The following EXOC5 variants were observed in gnomAD, a reference collection of about 807,000 sequenced individuals.
The protein encoded by EXOC5 is exocyst complex component 5, also known as SEC10-like 1.
A neutral mutation model predicts 90.8 loss-of-function variants in EXOC5; 17 were observed. The observed-to-expected ratio is 0.19, with a 90% CI of 0.13 to 0.28. The LOEUF is 0.28. Among genes scored for constraint, EXOC5 ranks in the 10% least tolerant of loss-of-function variants. EXOC5 has a pLI of 1.00. For missense variants in EXOC5, 569 were observed against 830.6 expected (o/e 0.69, Z 3.87); for synonymous variants, 260 against 270.0 (o/e 0.96, Z 0.36).
At chr14:57,222,762 C>CATATATAT (rs149486431) in intron 12 of EXOC5, among the ~76,000 whole-genome samples, 5 of 135,242 alleles carry the variant, frequency 3.7e-5, no homozygotes, top group African/African-American at 1.7e-4. Flanking sequence ...CACACACACA[C>CATATATAT]ATATATATAT....
Position 57,231,501 on chromosome 14 carries a change from C to A in EXOC5, c.1148+5G>T. 1 of 1,591,772 alleles carries A rather than the reference C, an allele frequency of 6.3e-7. No homozygotes were observed. The highest frequency in any genetic ancestry group is 8.5e-7 in the Non-Finnish European group (1 of 1,170,420). ...TTAACAGAAGTATTTAACAAAAATACTCACCCTCCTGTGCCAATGGATCTC... is the reference window on the plus strand; with the variant it reads ...TTAACAGAAGTATTTAACAAAAATAATCACCCTCCTGTGCCAATGGATCTC... On this transcript the variant is annotated splice_donor_5th_base_variant and intron_variant, in intron 11 of 17. Transcript: ENST00000621441.
intron 15 of EXOC5, 95 bp from the exon 16 acceptor site, chr14:57,210,156 TA>T: frequency 1.7e-6 from 1 of 604,930 alleles, no homozygotes; most frequent in Non-Finnish European, 2.9e-6. Flanking sequence ...ATCAGTTATT[TA>T]ATTTCCTATC....
intron 14 of EXOC5, 108 bp from the exon 15 acceptor site, chr14:57,218,176 C>T (rs951951088): frequency 1.8e-6 from 1 of 544,926 alleles, no homozygotes; most frequent in African/African-American, 2.0e-5. Context: ...TAAATATATC[C>T]ATATATACAC....
At chr14:57,210,105 C>T in intron 15 of EXOC5, 44 bp from the exon 16 acceptor site, 1 of 843,328 alleles carries the variant, frequency 1.2e-6, no homozygotes, top group East Asian at 2.6e-5. Flanking sequence ...ATCTAACTTA[C>T]TCTATGTTTA....
chr14:57,232,582 C>A, intron 10 of EXOC5, 85 bp downstream of exon 10: 1 of 595,600 alleles, frequency 1.7e-6, no homozygotes, highest in South Asian at 2.7e-5. Flanking sequence ...CAAACTTATT[C>A]AAAAATACCT....
chr14:57,233,678 A>G, intron 9 of EXOC5, 65 bp downstream of exon 9: 1 of 1,024,998 alleles, frequency 9.8e-7, no homozygotes, highest in Non-Finnish European at 1.4e-6. Context: ...AAATACTTTT[A>G]AAATATAGGG....
At chr14:57,248,903 A>G (rs924320340) in intron 1 of EXOC5, among the ~76,000 whole-genome samples, 1 of 152,122 alleles carries the variant, frequency 6.6e-6, no homozygotes, top group Non-Finnish European at 1.5e-5. Flanking sequence ...AGTCTGCCTC[A>G]CTTCTGTCGA....
chr14:57,215,234 A>G (rs982394693), intron 15 of EXOC5, among the ~76,000 whole-genome samples: 9 of 151,942 alleles, frequency 5.9e-5, no homozygotes, highest in African/African-American at 1.9e-4. Context: ...TCCGTCTCAA[A>G]AAAAAAAAAG....
At chr14:57,229,138 ATCT>A (rs1883401242) in intron 12 of EXOC5, among the ~76,000 whole-genome samples, 1 of 152,182 alleles carries the variant, frequency 6.6e-6, no homozygotes. Flanking sequence ...TCCCTTTCAC[ATCT>A]TCATTTAATC....
intron 1 of EXOC5, among the ~76,000 whole-genome samples, chr14:57,267,664 G>A (rs932140618): frequency 1.3e-5 from 2 of 151,898 alleles, no homozygotes; most frequent in Admixed American, 1.3e-4. Flanking sequence ...TGCTTTATAC[G>A]TGTCATTGTT....
In EXOC5 at chr14:57,209,607, C is replaced by T. The variant is rs751437199; in HGVS notation, c.1898G>A (p.Cys633Tyr). ...YSCMGGMLAICDVAEYRKCAK... is the reference protein window; with the variant it reads ...YSCMGGMLAIYDVAEYRKCAK... Reference sequence around the variant, plus strand: ...ACACTTCCTATATTCGGCTACATCACAAATGGCCAACATGCCACCCATACA... The same window carrying T: ...ACACTTCCTATATTCGGCTACATCATAAATGGCCAACATGCCACCCATACA... The change falls in exon 17 of 18, where the codon TGT (cysteine) becomes TAT (tyrosine). Residue 633 changes from cysteine (C) to tyrosine (Y), a missense_variant. By Grantham distance (194) the Cys-to-Tyr change is radical. Coordinates refer to ENST00000621441, the MANE Select transcript of EXOC5 (RefSeq NM_006544.4). 4.3e-6 allele frequency: 7 copies of T among 1,613,252 alleles called. No individual in the cohort carries two copies. Among genetic ancestry groups the T allele is most frequent in the Non-Finnish European group, 5.9e-6 (7 of 1,179,596 alleles).
intron 15 of EXOC5, among the ~76,000 whole-genome samples, chr14:57,212,546 A>G (rs1030151960): frequency 1.3e-5 from 2 of 152,216 alleles, no homozygotes; most frequent in African/African-American, 4.8e-5. Context: ...TTTCTGTAGG[A>G]GCCATCTTAT....
At chr14:57,253,857 T>G (rs1594679992) in intron 1 of EXOC5, among the ~76,000 whole-genome samples, 1 of 152,148 alleles carries the variant, frequency 6.6e-6, no homozygotes, top group Non-Finnish European at 1.5e-5. Flanking sequence ...TAAAAATGTC[T>G]CAAAGACTTA....
chr14:57,209,878 A>G, intron 16 of EXOC5, 75 bp downstream of exon 16: 1 of 1,220,732 alleles, frequency 8.2e-7, no homozygotes, highest in Non-Finnish European at 1.2e-6. Context: ...TATAAAAGAA[A>G]AAAATCTAGG....
chr14:57,241,539 A>C (rs577375248), intron 4 of EXOC5, among the ~76,000 whole-genome samples: 9 of 152,346 alleles, frequency 5.9e-5, no homozygotes, highest in Middle Eastern at 6.8e-3. Context: ...GTGCTATTGC[A>C]AACTTTGTTT....
At position 57,239,627 on chromosome 14, in the gene EXOC5, C is replaced by T. The variant is rs748095447; in HGVS notation, c.498G>A (p.Leu166=). Residue 166 remains leucine (L), a synonymous_variant, in exon 5 of 18, where the codon TTG becomes TTA. Transcript: ENST00000621441. ...AAGGTAACTCTTGGGCAATTAGGTG[C>T]AACTTCTGAATGATGTCTGCTGCTT... ...IKEAADIIQK[L]HLIAQELPFD... 5 of 1,544,510 alleles carry T rather than the reference C, an allele frequency of 3.2e-6. No individual in the cohort carries two copies. The highest frequency in any genetic ancestry group is 3.5e-6 in the Non-Finnish European group (4 of 1,143,992).
At chr14:57,259,532 TG>T (rs1181629366) in intron 1 of EXOC5, among the ~76,000 whole-genome samples, 1 of 152,198 alleles carries the variant, frequency 6.6e-6, no homozygotes, top group African/African-American at 2.4e-5. Context: ...ATGCTACTCC[TG>T]CTTCCTAACC....
rs1884764500 is a variant in EXOC5 at position 57,268,507 on chromosome 14, CCT to C, written c.27+113_27+114del. 5 of 1,532,742 alleles carry C rather than the reference CCT, an allele frequency of 3.3e-6. No homozygotes were observed. In the South Asian group the frequency reaches 3.6e-5, roughly 11 times the overall value. The allele number at this position is 1,532,742 out of a possible 1,614,324, so 94.9% of individuals were successfully genotyped here. ...GCCACCCCAACCCTTCTGTTTCGCA[CCT>C]CTCTCCCGAGGGCTCCTCCTGGGCA... On this transcript the variant is annotated intron_variant, in intron 1 of 17. Coordinates refer to ENST00000621441, the MANE Select transcript of EXOC5 (RefSeq NM_006544.4).
intron 15 of EXOC5, among the ~76,000 whole-genome samples, chr14:57,215,242 AAG>A (rs1882940081): frequency 6.6e-6 from 1 of 151,676 alleles, no homozygotes; most frequent in African/African-American, 2.4e-5. Flanking sequence ...AAAAAAAAAA[AAG>A]AAGAAGAAGA....
Sources: gnomAD v4.1 joint callset for allele counts (sites outside exome capture counted in the v4.1 genomes callset) on GRCh38, gnomAD v4.1.1 for gene constraint, MANE v1.5 for transcripts, NCBI Gene and HGNC (gene_info 2026-07-23, HGNC 2026-07-21) for gene names.